The following TACC1 variants were observed in gnomAD, a reference collection of about 807,000 sequenced individuals.
TACC1 encodes transforming acidic coiled-coil containing protein 1, also known as transforming acidic coiled-coil-containing protein 1.
In TACC1, 48 loss-of-function variants were observed where a neutral mutation model predicts 84.4. The observed-to-expected ratio is 0.57, with a 90% CI of 0.45 to 0.72. The LOEUF is 0.72. Ranked by LOEUF, TACC1 falls within the 30% of genes least tolerant of loss-of-function variation. The pLI, the probability that TACC1 is intolerant of heterozygous loss-of-function variation, is 0.00. For missense variants in TACC1, 920 were observed against 973.0 expected (o/e 0.95, Z 0.72); for synonymous variants, 372 against 376.3 (o/e 0.99, Z 0.13).
intron 2 of TACC1, among the ~76,000 whole-genome samples, chr8:38,818,630 A>G (rs1825966645): frequency 6.6e-6 from 1 of 152,190 alleles, no homozygotes; most frequent in Non-Finnish European, 1.5e-5. Context: ...TTTTAAAGCC[A>G]TTTCCATATC....
chr8:38,791,645 C>T (rs758002327), intron 2 of TACC1, among the ~76,000 whole-genome samples: 12 of 152,278 alleles, frequency 7.9e-5, no homozygotes, highest in African/African-American at 1.9e-4. Context: ...TCCCTTTCTC[C>T]CAAAATTATT....
upstream of TACC1, among the ~76,000 whole-genome samples, chr8:38,783,717 G>A (rs1407775930): frequency 2.6e-5 from 4 of 152,190 alleles, no homozygotes; most frequent in African/African-American, 9.7e-5. Flanking sequence ...ACCGCACCCA[G>A]CCTGAAAGAG....
intron 3 of TACC1, among the ~76,000 whole-genome samples, chr8:38,749,464 G>A (rs1200795692): frequency 6.6e-6 from 1 of 152,178 alleles, no homozygotes; most frequent in African/African-American, 2.4e-5. Context: ...AAAAACTACA[G>A]TCCAATATCC....
chr8:38,807,238 G>A (rs1323914053), intron 2 of TACC1, among the ~76,000 whole-genome samples: 1 of 152,120 alleles, frequency 6.6e-6, no homozygotes, highest in African/African-American at 2.4e-5. Context: ...GAGGTGGAGA[G>A]GGCTGAAAAT....
intron 3 of TACC1, among the ~76,000 whole-genome samples, chr8:38,768,119 G>C (rs975237112): frequency 4.1e-5 from 6 of 146,520 alleles, no homozygotes; most frequent in Non-Finnish European, 9.1e-5. Flanking sequence ...AAGGAAGGAA[G>C]GTAGGGGAAG....
chr8:38,790,143 C>G (rs1339007926), intron 2 of TACC1, among the ~76,000 whole-genome samples: 2 of 152,220 alleles, frequency 1.3e-5, no homozygotes, highest in Non-Finnish European at 2.9e-5. Context: ...TGCTGGGTGT[C>G]TGCAATCCTT....
upstream of TACC1, chr8:38,785,982 CCT>C (rs1817065244): frequency 6.6e-6 from 1 of 152,296 alleles, no homozygotes; most frequent in African/African-American, 2.4e-5. Context: ...GTATTTTGCT[CCT>C]GTTTTTGTTA....
intron 3 of TACC1, among the ~76,000 whole-genome samples, chr8:38,777,222 C>T (rs949929720): frequency 8.0e-5 from 12 of 150,162 alleles, no homozygotes; most frequent in Non-Finnish European, 1.2e-4. Context: ...CGCCACTGCA[C>T]TTCAGCCTGG....
At chr8:38,788,676 G>T (rs748463790) in intron 1 of TACC1, 28 bp from the exon 2 acceptor site, 5 of 1,529,902 alleles carry the variant, frequency 3.3e-6, no homozygotes, top group African/African-American at 2.7e-5. Context: ...GTTGAAAGTG[G>T]TAATTCCTCA....
intron 7 of TACC1, 145 bp downstream of exon 7, chr8:38,836,432 C>T: frequency 2.8e-6 from 3 of 1,089,664 alleles, no homozygotes; most frequent in South Asian, 1.5e-5. Context: ...CGTAAAAGGG[C>T]CCCCTGTGGC....
At chr8:38,747,416 C>G (rs1808274805) in intron 3 of TACC1, among the ~76,000 whole-genome samples, 1 of 152,180 alleles carries the variant, frequency 6.6e-6, no homozygotes, top group Non-Finnish European at 1.5e-5. Context: ...ATGTTTATAG[C>G]AACTTTATTC....
intron 2 of TACC1, among the ~76,000 whole-genome samples, chr8:38,794,825 CT>C (rs1819597499): frequency 6.6e-6 from 1 of 152,102 alleles, no homozygotes; most frequent in South Asian, 2.1e-4. Context: ...TAATTAGGAC[CT>C]TTCATATTAC....
chr8:38,824,886 A>G (rs914933659), intron 3 of TACC1: 3 of 163,460 alleles, frequency 1.8e-5, no homozygotes. Context: ...GCAATAAAGA[A>G]TTTTTAAAGA....
At chr8:38,828,725 G>C (rs972538756) in intron 5 of TACC1, among the ~76,000 whole-genome samples, 1 of 152,184 alleles carries the variant, frequency 6.6e-6, no homozygotes, top group Non-Finnish European at 1.5e-5. Flanking sequence ...CAGGAGAGGG[G>C]CCGAGAGACC....
chr8:38,830,331 G>A (rs1182356753), intron 5 of TACC1, among the ~76,000 whole-genome samples: 1 of 152,100 alleles, frequency 6.6e-6, no homozygotes, highest in African/African-American at 2.4e-5. Flanking sequence ...CTGGAGTGTG[G>A]TGGCGCTATC....
Position 38,843,221 on chromosome 8 carries a change from AC to A in TACC1, c.2122-67del. The A allele has an allele frequency of 9.4e-6, 10 of 1,067,476 alleles. No homozygotes were observed. The Middle Eastern group carries it at 1.7e-3, about 180-fold the overall frequency. 66.1% of individuals were successfully genotyped at this position (1,067,476 alleles called of 1,614,324 possible). ...TTTTTCCATTCTTTAAAAAATGAAA[AC>A]TCTGATATGTGGTAGATTAGAAGAA... is the stretch of plus-strand genomic sequence containing the variant. On this transcript the variant is annotated intron_variant, in intron 10 of 12. Coordinates refer to ENST00000317827, the MANE Select transcript of TACC1 (RefSeq NM_006283.3).
intron 2 of TACC1, among the ~76,000 whole-genome samples, chr8:38,803,667 TA>T (rs1821954947): frequency 6.6e-6 from 1 of 152,184 alleles, no homozygotes; most frequent in Admixed American, 6.5e-5. Context: ...GGTTTACTAG[TA>T]TTCTGTTGAG....
At position 38,803,019 on chromosome 8, in the gene TACC1, C is replaced by T. The variant is rs1471154025; in HGVS notation, c.277+14200C>T. Among the ~76,000 whole-genome samples the T allele has an allele frequency of 2.6e-5, 4 of 152,108 alleles. No homozygotes were observed. The East Asian group carries it at 7.7e-4, about 29-fold the overall frequency. Reference sequence around the variant, plus strand: ...TTATATTTCTTTTGTTAAATTATTTCCTAAATATTTTATTTTTTGATACTG... The same window carrying T: ...TTATATTTCTTTTGTTAAATTATTTTCTAAATATTTTATTTTTTGATACTG... On this transcript the variant is annotated intron_variant, in intron 2 of 12. Transcript: ENST00000317827.
chr8:38,825,496 A>G (rs1827842375), intron 4 of TACC1, 128 bp downstream of exon 4: 4 of 891,428 alleles, frequency 4.5e-6, no homozygotes, highest in Non-Finnish European at 7.2e-6. Flanking sequence ...TTAAGAAGCC[A>G]ATTTCCAGAT....
Sources: gnomAD v4.1 joint callset for allele counts (sites outside exome capture counted in the v4.1 genomes callset) on GRCh38, gnomAD v4.1.1 for gene constraint, MANE v1.5 for transcripts, NCBI Gene and HGNC (gene_info 2026-07-23, HGNC 2026-07-21) for gene names.